Variants in ARL15 observed in about 807,000 individuals in gnomAD.
ARL15 encodes the protein ARF like GTPase 15.
Under a neutral mutation model 25.2 loss-of-function variants are expected in ARL15, and 19 were observed. The ratio of observed to expected loss-of-function variants is 0.75; its 90% CI spans 0.53 to 1.10. ARL15 has a LOEUF of 1.10. Among genes scored for constraint, ARL15 ranks in the 50% least tolerant of loss-of-function variants. The pLI is 0.00. For missense variants in ARL15, 220 were observed against 246.0 expected (o/e 0.89, Z 0.71); for synonymous variants, 94 against 86.8 (o/e 1.08, Z -0.46).
At chr5:54,179,839 G>A (rs1224407900) in intron 1 of ARL15, among the ~76,000 whole-genome samples, 1 of 151,906 alleles carries the variant, frequency 6.6e-6, no homozygotes, top group Non-Finnish European at 1.5e-5. Context: ...CCAACGTGGT[G>A]AGACCCCGTC....
At chr5:54,167,320 T>TC (rs1160330266) in intron 2 of ARL15, among the ~76,000 whole-genome samples, 1 of 152,174 alleles carries the variant, frequency 6.6e-6, no homozygotes, top group Non-Finnish European at 1.5e-5. Context: ...CATCTTGGTC[T>TC]CCCCTTGCTC....
chr5:54,102,805 CATA>C (rs766672707), intron 4 of ARL15, among the ~76,000 whole-genome samples: 3 of 152,138 alleles, frequency 2.0e-5, no homozygotes, highest in African/African-American at 4.8e-5. Context: ...AATAATTAGT[CATA>C]ACCAGTATTA....
At chr5:53,933,388 T>A (rs702622) in intron 4 of ARL15, among the ~76,000 whole-genome samples, 44,657 of 151,910 alleles carry the variant, frequency 0.29, 7,849 homozygotes, top group Middle Eastern at 0.41. Flanking sequence ...GGCTCACGCC[T>A]GTAATCCCAG....
intron 3 of ARL15, among the ~76,000 whole-genome samples, chr5:54,130,160 C>G (rs1220217851): frequency 6.6e-6 from 1 of 152,096 alleles, no homozygotes; most frequent in Non-Finnish European, 1.5e-5. Context: ...ATTGCTTGAG[C>G]CTGGGAGATG....
intron 3 of ARL15, among the ~76,000 whole-genome samples, chr5:54,120,997 A>T (rs1391912026): frequency 6.6e-6 from 1 of 152,198 alleles, no homozygotes; most frequent in Admixed American, 6.5e-5. Flanking sequence ...TAAAGATGCA[A>T]GAGGTTCTAG....
chr5:54,294,795 C>T (rs1056066992), intron 1 of ARL15, among the ~76,000 whole-genome samples: 3 of 152,238 alleles, frequency 2.0e-5, no homozygotes, highest in Non-Finnish European at 4.4e-5. Flanking sequence ...ACTGTTGCTA[C>T]TGCTTATTGT....
At chr5:54,310,193 C>A in intron 1 of ARL15, 3 of 464,244 alleles carry the variant, frequency 6.5e-6, no homozygotes, top group Non-Finnish European at 1.1e-5. Flanking sequence ...CCAGCGCGAC[C>A]CTCGCCCTGC....
chr5:54,172,056 C>T (rs551196655), intron 1 of ARL15, 128 bp from the exon 2 acceptor site: 64 of 1,162,698 alleles, frequency 5.5e-5, no homozygotes, highest in East Asian at 5.3e-5. Context: ...AGGAAGAAAA[C>T]GGTAACTTTA....
intron 4 of ARL15, among the ~76,000 whole-genome samples, chr5:53,887,124 G>A (rs1196188520): frequency 1.3e-5 from 2 of 152,154 alleles, no homozygotes; most frequent in Non-Finnish European, 2.9e-5. Context: ...ACGACTTACA[G>A]TAGGTACTAT....
chr5:53,940,975 A>G (rs747449197), intron 4 of ARL15, among the ~76,000 whole-genome samples: 8 of 152,180 alleles, frequency 5.3e-5, no homozygotes, highest in Non-Finnish European at 8.8e-5. Context: ...AAGCTTACCA[A>G]TTAATTACCA....
intron 4 of ARL15, among the ~76,000 whole-genome samples, chr5:54,059,136 G>A (rs562363716): frequency 6.6e-6 from 1 of 152,102 alleles, no homozygotes; most frequent in Admixed American, 6.5e-5. Flanking sequence ...ATCTGTACCC[G>A]CAAATTGCTT....
intron 4 of ARL15, among the ~76,000 whole-genome samples, chr5:54,050,857 AT>A: frequency 6.6e-6 from 1 of 152,228 alleles, no homozygotes; most frequent in South Asian, 2.1e-4. Flanking sequence ...GAGCCTACTA[AT>A]TTAATCTTCT....
At chr5:54,182,802 G>C (rs2112433905) in intron 1 of ARL15, among the ~76,000 whole-genome samples, 1 of 152,128 alleles carries the variant, frequency 6.6e-6, no homozygotes, top group African/African-American at 2.4e-5. Flanking sequence ...TCTTCCATTT[G>C]TTTGTATCTT....
chr5:54,200,580 T>TA (rs557738427), intron 1 of ARL15, among the ~76,000 whole-genome samples: 2,757 of 150,822 alleles, frequency 0.018, 36 homozygotes, highest in Non-Finnish European at 0.025. Flanking sequence ...GGAAGGATAA[T>TA]AAAAAAAAAC....
intron 4 of ARL15, among the ~76,000 whole-genome samples, chr5:54,043,269 A>G (rs1750403252): frequency 6.6e-6 from 1 of 152,076 alleles, no homozygotes. Context: ...TCCCATATAC[A>G]ATTACCTTCC....
At chr5:54,005,872 AAC>A (rs1312812163) in intron 4 of ARL15, among the ~76,000 whole-genome samples, 39,689 of 148,248 alleles carry the variant, frequency 0.27, 5,588 homozygotes, top group East Asian at 0.44. Context: ...AAAAAAAAAA[AAC>A]CAAAAAAACC....
intron 4 of ARL15, among the ~76,000 whole-genome samples, chr5:54,071,997 A>C (rs1189250738): frequency 2.7e-5 from 4 of 148,268 alleles, no homozygotes; most frequent in Non-Finnish European, 6.0e-5. Flanking sequence ...AAAAAAAAAG[A>C]AAAAAAAAGA....
intron 4 of ARL15, among the ~76,000 whole-genome samples, chr5:53,920,449 A>G (rs1006120675): frequency 3.3e-5 from 5 of 152,022 alleles, no homozygotes; most frequent in Non-Finnish European, 5.9e-5. Context: ...ACAGTCACTG[A>G]GCAACTGCCA....
chr5:53,977,216 G>A (rs537332185), intron 4 of ARL15, among the ~76,000 whole-genome samples: 1 of 152,130 alleles, frequency 6.6e-6, no homozygotes, highest in Non-Finnish European at 1.5e-5. Context: ...AATTAGCCGG[G>A]CGTGGTGGCG....
Sources: allele counts gnomAD v4.1 joint callset (sites outside exome capture counted in the v4.1 genomes callset), GRCh38; gene constraint gnomAD v4.1.1; transcripts MANE v1.5; gene names NCBI Gene and HGNC (gene_info 2026-07-23, HGNC 2026-07-21).